The following PLA2G7 variants were observed in gnomAD, a reference collection of about 807,000 sequenced individuals.
PLA2G7 encodes platelet-activating factor acetylhydrolase.
A neutral mutation model predicts 49.6 loss-of-function variants in PLA2G7; 63 were observed. That is an observed-to-expected ratio of 1.27 (90% confidence interval 1.04 to 1.57). The LOEUF (loss-of-function observed/expected upper bound fraction) is 1.57. Ranked by LOEUF, PLA2G7 falls within the 40% of genes most tolerant of loss-of-function variation. The pLI is 0.00. For synonymous variants in PLA2G7, 193 were observed against 169.9 expected, an observed-to-expected ratio of 1.14 and a Z score of -1.06; for missense variants, 596 against 521.2, an observed-to-expected ratio of 1.14 and a Z score of -1.40.
At chr6:46,715,024 C>T (rs192976657) in intron 4 of PLA2G7, among the ~76,000 whole-genome samples, 131 of 152,192 alleles carry the variant, frequency 8.6e-4, no homozygotes, top group African/African-American at 2.6e-3. Context: ...CGTGAGCCAC[C>T]GCACCCGGCG....
intron 5 of PLA2G7, among the ~76,000 whole-genome samples, chr6:46,713,864 C>T (rs1765112324): frequency 1.3e-5 from 2 of 152,192 alleles, no homozygotes; most frequent in African/African-American, 4.8e-5. Flanking sequence ...AGAGACTTGG[C>T]ACAGCATGGG....
chr6:46,705,382 G>A lies in PLA2G7; in HGVS notation c.1041-81C>T, dbSNP rs146879714. 9.2e-6 allele frequency: 10 copies of A among 1,091,170 alleles called. No homozygotes were observed. In the African/African-American group the frequency reaches 1.6e-4, roughly 17 times the overall value. The allele number at this position is 1,091,170 out of a possible 1,614,324, so 67.6% of individuals were successfully genotyped here. A position where few individuals can be genotyped will look rare whatever the true frequency, so the allele number is the denominator to read the frequency against. The stretch of plus-strand genomic sequence containing the variant: ...TTAGTTAGAGTGTAAGAAAGGTACT[G>A]GTCTTGTTGGTCTGTTTACTGAAAA... On this transcript the variant is annotated intron_variant, in intron 10 of 11. Coordinates refer to ENST00000274793, the MANE Select transcript of PLA2G7 (RefSeq NM_005084.4).
chr6:46,712,246 C>A (rs748856390), intron 6 of PLA2G7, 23 bp downstream of exon 6: 2 of 1,532,268 alleles, frequency 1.3e-6, no homozygotes, highest in South Asian at 2.2e-5. Context: ...GGCCAAAGAG[C>A]CCAATTATAT....
At chr6:46,715,170 A>G (rs1393215510) in intron 4 of PLA2G7, among the ~76,000 whole-genome samples, 2 of 152,226 alleles carry the variant, frequency 1.3e-5, no homozygotes, top group Non-Finnish European at 2.9e-5. Context: ...GGTTTTGGAA[A>G]AATTTTAAAG....
intron 4 of PLA2G7, among the ~76,000 whole-genome samples, chr6:46,715,868 G>A (rs757960626): frequency 6.6e-5 from 10 of 152,232 alleles, no homozygotes; most frequent in Admixed American, 6.5e-5. Context: ...TTAGCAGAAT[G>A]TAGACAGTAA....
At chr6:46,725,375 G>A (rs1057327141) in intron 1 of PLA2G7, among the ~76,000 whole-genome samples, 6 of 151,852 alleles carry the variant, frequency 4.0e-5, no homozygotes, top group Admixed American at 3.9e-4. Flanking sequence ...GGGACTATAG[G>A]TGCCCACCTC....
intron 1 of PLA2G7, among the ~76,000 whole-genome samples, chr6:46,731,318 T>A (rs1176133079): frequency 6.6e-6 from 1 of 152,250 alleles, no homozygotes; most frequent in Non-Finnish European, 1.5e-5. Context: ...TACCCAACTC[T>A]GGTCCACAGA....
intron 1 of PLA2G7, among the ~76,000 whole-genome samples, chr6:46,728,292 T>C (rs1765630974): frequency 6.6e-6 from 1 of 152,194 alleles, no homozygotes; most frequent in African/African-American, 2.4e-5. Context: ...TGGAGATATT[T>C]TTGGTTGCCA....
Position 46,704,336 on chromosome 6 carries a change from C to A in PLA2G7, c.*224G>T. 1.9e-6 allele frequency: 1 copy of A among 532,558 alleles called. No individual in the cohort carries two copies. Among genetic ancestry groups the A allele is most frequent in the Non-Finnish European group, 3.4e-6 (1 of 296,524 alleles). The allele number at this position is 532,558 out of a possible 1,614,324, so 33.0% of individuals were successfully genotyped here. A position where few individuals can be genotyped will look rare whatever the true frequency, so the allele number is the denominator to read the frequency against. On this transcript the variant is annotated 3_prime_UTR_variant, in exon 12 of 12. Transcript: ENST00000274793. ...TGATATGAATATTGTATACTGTATT[C>A]TTTCTTTACATCTAAAGGGAAAAAA...
At chr6:46,718,943 T>C (rs905620816) in intron 2 of PLA2G7, among the ~76,000 whole-genome samples, 2 of 152,242 alleles carry the variant, frequency 1.3e-5, no homozygotes, top group Non-Finnish European at 2.9e-5. Flanking sequence ...CTGGTCTCTC[T>C]TGTTTTCCTT....
intron 2 of PLA2G7, among the ~76,000 whole-genome samples, chr6:46,717,911 T>A (rs752601308): frequency 6.6e-6 from 1 of 151,948 alleles, no homozygotes; most frequent in African/African-American, 2.4e-5. Context: ...AGAGACGGGG[T>A]TTCACCACGT....
chr6:46,707,678 T>C (rs1764872468), intron 10 of PLA2G7, among the ~76,000 whole-genome samples: 1 of 152,228 alleles, frequency 6.6e-6, no homozygotes, highest in South Asian at 2.1e-4. Flanking sequence ...AGCATCATGC[T>C]TCCTGTACAG....
In PLA2G7 at chr6:46,704,647, A is replaced by G. The variant is rs757476802; in HGVS notation, c.1239T>C (p.Asp413=). ...DQWDCLIEGD[D]ENLIPGTNIN... is the part of the protein sequence containing the mutation. ...TGTTGGTCCCTGGAATAAGATTCTC[A>G]TCATCTCCTTCAATCAAGCAGTCCC... Residue 413 remains aspartate, a synonymous_variant, in exon 12 of 12, where the codon GAT becomes GAC. Transcript: ENST00000274793. 6.3e-7 allele frequency: 1 copy of G among 1,577,946 alleles called. No individual in the cohort carries two copies. Among genetic ancestry groups the G allele is most frequent in the East Asian group, 2.2e-5 (1 of 44,650 alleles).
At chr6:46,709,299 C>T in intron 9 of PLA2G7, 28 bp downstream of exon 9, 1 of 1,217,204 alleles carries the variant, frequency 8.2e-7, no homozygotes, top group Non-Finnish European at 1.2e-6. Context: ...ATTTACTATT[C>T]TCTTGCTTTA....
chr6:46,718,469 G>A (rs563878370), intron 2 of PLA2G7, among the ~76,000 whole-genome samples: 1 of 152,304 alleles, frequency 6.6e-6, no homozygotes, highest in African/African-American at 2.4e-5. Context: ...GCACTGCAAA[G>A]AAACCCTCCA....
At chr6:46,722,428 C>G (rs1765428272) in intron 2 of PLA2G7, among the ~76,000 whole-genome samples, 1 of 152,120 alleles carries the variant, frequency 6.6e-6, no homozygotes, top group Admixed American at 6.5e-5. Flanking sequence ...GAGTGGACTC[C>G]AGACCAGTTG....
At chr6:46,729,841 G>A (rs1765682801) in intron 1 of PLA2G7, among the ~76,000 whole-genome samples, 1 of 152,152 alleles carries the variant, frequency 6.6e-6, no homozygotes, top group Non-Finnish European at 1.5e-5. Flanking sequence ...CCTGGAGTGG[G>A]GGCATAAATC....
chr6:46,715,512 C>A (rs770793795), intron 4 of PLA2G7, among the ~76,000 whole-genome samples: 90 of 152,136 alleles, frequency 5.9e-4, no homozygotes, highest in Admixed American at 2.9e-3. Flanking sequence ...GTAAGGGGCT[C>A]AAAAAATGGA....
intron 2 of PLA2G7, among the ~76,000 whole-genome samples, chr6:46,719,359 A>G (rs1018262588): frequency 3.9e-5 from 6 of 152,216 alleles, no homozygotes; most frequent in Non-Finnish European, 8.8e-5. Flanking sequence ...CAGCTACTCA[A>G]AGCTGATCCA....
Sources: allele counts gnomAD v4.1 joint callset (sites outside exome capture counted in the v4.1 genomes callset), GRCh38; gene constraint gnomAD v4.1.1; transcripts MANE v1.5; gene names NCBI Gene and HGNC (gene_info 2026-07-23, HGNC 2026-07-21).